PLCB1: variants seen among roughly 807,000 people sequenced by gnomAD.
PLCB1 encodes 1-phosphatidylinositol 4,5-bisphosphate phosphodiesterase beta-1.
Under a neutral mutation model 161.8 loss-of-function variants are expected in PLCB1, and 46 were observed. The ratio of observed to expected loss-of-function variants is 0.28; its 90% CI spans 0.22 to 0.36. The LOEUF (loss-of-function observed/expected upper bound fraction) is 0.36, where lower values mean the gene tolerates loss of function less well. PLCB1 is among the 10% of genes least tolerant of loss of function. The pLI is 1.00. For synonymous variants in PLCB1, 517 were observed against 503.7 expected (o/e 1.03, Z -0.35); for missense variants, 1,016 against 1,472.5 (o/e 0.69, Z 5.07).
intron 3 of PLCB1, among the ~76,000 whole-genome samples, chr20:8,415,794 G>A (rs1979244525): frequency 6.6e-6 from 1 of 152,186 alleles, no homozygotes; most frequent in Non-Finnish European, 1.5e-5. Context: ...TACCCTTCAT[G>A]TGGGGCAGAA....
At chr20:8,297,966 A>G (rs1037547170) in intron 2 of PLCB1, among the ~76,000 whole-genome samples, 7 of 151,244 alleles carry the variant, frequency 4.6e-5, no homozygotes, top group African/African-American at 1.7e-4. Flanking sequence ...GCCATTTTAA[A>G]TCACAGTCCC....
At chr20:8,344,941 A>G (rs1985947422) in intron 2 of PLCB1, among the ~76,000 whole-genome samples, 1 of 152,226 alleles carries the variant, frequency 6.6e-6, no homozygotes, top group Admixed American at 6.5e-5. Context: ...CGCTGAAAGG[A>G]ATTTTTGCCC....
chr20:8,849,530 G>A (rs1986813776), intron 31 of PLCB1, among the ~76,000 whole-genome samples: 1 of 151,994 alleles, frequency 6.6e-6, no homozygotes, highest in Non-Finnish European at 1.5e-5. Context: ...ACAAAAATTA[G>A]TAGGGCATGA....
intron 3 of PLCB1, among the ~76,000 whole-genome samples, chr20:8,493,266 T>TCATTTGGCTGAAAAAGTGGCAAACATGAA (rs1983023509): frequency 6.6e-6 from 1 of 152,176 alleles, no homozygotes; most frequent in Admixed American, 6.5e-5. Context: ...TTTTATTCTA[T>TCATTTGGCTGAAAAAGTGGCAAACATGAA]CATTTGGCTG....
chr20:8,638,176 G>A (rs1239923875), intron 4 of PLCB1, among the ~76,000 whole-genome samples: 1 of 152,152 alleles, frequency 6.6e-6, no homozygotes, highest in Non-Finnish European at 1.5e-5. Flanking sequence ...TTACAGGCGT[G>A]AGCCACCGCA....
intron 3 of PLCB1, among the ~76,000 whole-genome samples, chr20:8,505,018 C>G (rs750219603): frequency 6.6e-6 from 1 of 152,046 alleles, no homozygotes; most frequent in Non-Finnish European, 1.5e-5. Flanking sequence ...ATCACCAAGC[C>G]GGGCTACTTA....
rs1985543929 is a variant in PLCB1 at position 8,335,605 on chromosome 20, TCTC to T, written c.178-35771_178-35769del. 4.6e-5 allele frequency among the ~76,000 whole-genome samples: 7 copies of T among 152,132 alleles called. No individual in the cohort carries two copies. The South Asian group carries it at 1.5e-3, about 32-fold the overall frequency. Reference sequence around the variant, plus strand: ...AGATCTGGTCCCCACCCGTAGTTGCTCTCCTCCTGCCTTGGAGATTGCTTGGTG... The same window carrying T: ...AGATCTGGTCCCCACCCGTAGTTGCTCTCCTGCCTTGGAGATTGCTTGGTG... On this transcript the variant is annotated intron_variant, in intron 2 of 31. Coordinates refer to ENST00000338037, the MANE Select transcript of PLCB1 (RefSeq NM_015192.4).
chr20:8,232,515 A>G (rs752353394), intron 2 of PLCB1, among the ~76,000 whole-genome samples: 1 of 152,124 alleles, frequency 6.6e-6, no homozygotes, highest in Non-Finnish European at 1.5e-5. Flanking sequence ...GCTCTACCGT[A>G]TTTCTCGAGC....
chr20:8,214,890 T>A (rs1232791911), intron 2 of PLCB1, among the ~76,000 whole-genome samples: 1 of 151,158 alleles, frequency 6.6e-6, no homozygotes, highest in Non-Finnish European at 1.5e-5. Flanking sequence ...CTGTTTGCAC[T>A]TTCTTGCTTG....
chr20:8,399,942 G>T (rs551789596), intron 3 of PLCB1, among the ~76,000 whole-genome samples: 1 of 152,210 alleles, frequency 6.6e-6, no homozygotes, highest in Non-Finnish European at 1.5e-5. Flanking sequence ...TAATTTCTGA[G>T]CTCATTTTAT....
At chr20:8,167,219 C>T (rs76407405) in intron 2 of PLCB1, among the ~76,000 whole-genome samples, 3,189 of 152,260 alleles carry the variant, frequency 0.021, 87 homozygotes, top group African/African-American at 0.07. Flanking sequence ...GTCTTATTGA[C>T]TGCTGTATTT....
intron 3 of PLCB1, among the ~76,000 whole-genome samples, chr20:8,521,528 A>G (rs1263127461): frequency 2.6e-5 from 4 of 152,048 alleles, no homozygotes; most frequent in Admixed American, 6.6e-5. Context: ...ACATGGAGAA[A>G]ACCAGTCTCT....
At chr20:8,757,855 A>G (rs1234168569) in intron 24 of PLCB1, among the ~76,000 whole-genome samples, 6 of 110,094 alleles carry the variant, frequency 5.4e-5, no homozygotes. Context: ...ATTTCTCAAA[A>G]TGAATAAATG....
At chr20:8,702,275 C>T (rs1487087027) in intron 11 of PLCB1, among the ~76,000 whole-genome samples, 1 of 152,128 alleles carries the variant, frequency 6.6e-6, no homozygotes, top group Admixed American at 6.5e-5. Flanking sequence ...TAGCAATTCA[C>T]CACTTAGTTT....
chr20:8,858,126 C>A (rs1390557186), intron 31 of PLCB1, among the ~76,000 whole-genome samples: 1 of 151,880 alleles, frequency 6.6e-6, no homozygotes, highest in East Asian at 1.9e-4. Flanking sequence ...TTACTTGAGG[C>A]CTATTTAGCC....
chr20:8,851,071 T>C (rs538122026), intron 31 of PLCB1, among the ~76,000 whole-genome samples: 3 of 152,322 alleles, frequency 2.0e-5, no homozygotes, highest in Admixed American at 6.5e-5. Context: ...TAAGGAGATA[T>C]CCTTTAAAAA....
intron 31 of PLCB1, among the ~76,000 whole-genome samples, chr20:8,791,185 T>C (rs761868509): frequency 4.6e-5 from 7 of 152,104 alleles, no homozygotes; most frequent in Admixed American, 1.3e-4. Flanking sequence ...TTATTTAATA[T>C]TTTTAATTTC....
intron 31 of PLCB1, among the ~76,000 whole-genome samples, chr20:8,824,098 G>A (rs753213601): frequency 1.3e-5 from 2 of 151,832 alleles, no homozygotes; most frequent in African/African-American, 4.8e-5. Flanking sequence ...GCTACATGTA[G>A]GATAACCAAC....
intron 4 of PLCB1, among the ~76,000 whole-genome samples, chr20:8,640,038 G>T (rs1224120618): frequency 1.3e-5 from 2 of 152,114 alleles, no homozygotes; most frequent in Non-Finnish European, 2.9e-5. Context: ...GTTACCAAGG[G>T]CAAAATACCC....
Sources: gnomAD v4.1 joint callset for allele counts (sites outside exome capture counted in the v4.1 genomes callset) on GRCh38, gnomAD v4.1.1 for gene constraint, MANE v1.5 for transcripts, NCBI Gene and HGNC (gene_info 2026-07-23, HGNC 2026-07-21) for gene names.